The following MYO18B variants were observed in gnomAD, a reference collection of about 807,000 sequenced individuals.
MYO18B encodes unconventional myosin-XVIIIb.
Under a neutral mutation model 273.0 loss-of-function variants are expected in MYO18B, and 204 were observed. The ratio of observed to expected loss-of-function variants is 0.75; its 90% CI spans 0.67 to 0.84. The LOEUF (loss-of-function observed/expected upper bound fraction) is 0.84. Ranked by LOEUF, MYO18B falls within the 40% of genes least tolerant of loss-of-function variation. The pLI, the probability that MYO18B is intolerant of heterozygous loss-of-function variation, is 0.00. For synonymous variants in MYO18B, 1,330 were observed against 1,305.7 expected (o/e 1.02, Z -0.40); for missense variants, 3,212 against 3,287.6 (o/e 0.98, Z 0.56).
intron 21 of MYO18B, among the ~76,000 whole-genome samples, chr22:25,865,943 G>T (rs997872659): frequency 1.3e-5 from 2 of 151,896 alleles, no homozygotes; most frequent in Non-Finnish European, 2.9e-5. Context: ...AGCTCCCTTG[G>T]AACATGTTTG....
In MYO18B at chr22:25,908,260, C is replaced by A. The variant is rs1036227740; in HGVS notation, c.5149-62C>A. ...AATGCAATTGGAATGCCAAGGATGA[C>A]ATGGAGGGCTTGGAGAGTTAGAGTG... On this transcript the variant is annotated intron_variant, in intron 31 of 43. Transcript: ENST00000335473. 24 of 1,299,924 alleles carry A rather than the reference C, an allele frequency of 1.8e-5. 2 individuals carry two copies. In the Middle Eastern group the frequency reaches 9.1e-4, roughly 49 times the overall value. The allele number at this position is 1,299,924 out of a possible 1,614,324, so 80.5% of individuals were successfully genotyped here.
intron 39 of MYO18B, among the ~76,000 whole-genome samples, chr22:25,973,341 C>T (rs2093055543): frequency 6.6e-6 from 1 of 152,108 alleles, no homozygotes. Context: ...ATTTTTAGAA[C>T]ATAGAACAAT....
At chr22:25,753,204 C>A (rs11704185) in intron 1 of MYO18B, among the ~76,000 whole-genome samples, 47,627 of 151,954 alleles carry the variant, frequency 0.31, 7,831 homozygotes, top group South Asian at 0.42. Context: ...CACAAGGCGA[C>A]CCCAGCTGGC....
intron 22 of MYO18B, 136 bp from the exon 23 acceptor site, chr22:25,874,150 C>A: frequency 9.9e-7 from 1 of 1,011,762 alleles, no homozygotes; most frequent in Non-Finnish European, 1.5e-6. Context: ...GACTCCCCCA[C>A]CTCCCACTTA....
At chr22:25,857,811 G>T (rs976124468) in intron 21 of MYO18B, among the ~76,000 whole-genome samples, 1 of 152,176 alleles carries the variant, frequency 6.6e-6, no homozygotes, top group African/African-American at 2.4e-5. Flanking sequence ...GCGCCACCAC[G>T]CCAGGCTAAT....
chr22:25,956,571 C>G (rs1311199402), intron 39 of MYO18B, among the ~76,000 whole-genome samples: 1 of 152,180 alleles, frequency 6.6e-6, no homozygotes, highest in Non-Finnish European at 1.5e-5. Flanking sequence ...CTCCATCATT[C>G]AGTGTGTTGT....
chr22:26,059,692 A>G, the MYO18B span, among the ~76,000 whole-genome samples: 7 of 152,318 alleles, frequency 4.6e-5, no homozygotes, highest in East Asian at 1.4e-3. Flanking sequence ...TAACCCCAAG[A>G]ATGCATTGTA....
At chr22:25,792,487 T>C (rs1601708736) in intron 11 of MYO18B, among the ~76,000 whole-genome samples, 1 of 70,568 alleles carries the variant, frequency 1.4e-5, no homozygotes, top group African/African-American at 4.2e-5. Flanking sequence ...GTTTCTTTTT[T>C]TTTTCTTTTC....
chr22:26,030,889 A>G lies in MYO18B; in HGVS notation c.*459A>G, dbSNP rs1364833190. ...AAACTGAAACAAATGCTCCTCCTCCATGCTCCCTTAATCCCCATGCTTGTC... is the reference window on the plus strand; with the variant it reads ...AAACTGAAACAAATGCTCCTCCTCCGTGCTCCCTTAATCCCCATGCTTGTC... On this transcript the variant is annotated 3_prime_UTR_variant, in exon 44 of 44. Transcript: ENST00000335473. The G allele has an allele frequency of 2.0e-5, 8 of 398,286 alleles. No homozygotes were observed. The highest frequency in any genetic ancestry group is 1.3e-4 in the South Asian group (1 of 7,848). 24.7% of individuals were successfully genotyped at this position (398,286 alleles called of 1,614,324 possible).
At chr22:25,855,748 A>G (rs1322485539) in intron 21 of MYO18B, among the ~76,000 whole-genome samples, 1 of 151,944 alleles carries the variant, frequency 6.6e-6, no homozygotes, top group East Asian at 1.9e-4. Context: ...AAGGATTTCT[A>G]TTCCTTCAGC....
chr22:25,857,313 C>G (rs1230193461), intron 21 of MYO18B, among the ~76,000 whole-genome samples: 1 of 152,224 alleles, frequency 6.6e-6, no homozygotes, highest in African/African-American at 2.4e-5. Flanking sequence ...TGCCCTCCTC[C>G]CCGCAAAGTG....
At chr22:25,854,678 C>T (rs5752236) in intron 21 of MYO18B, among the ~76,000 whole-genome samples, 53,738 of 152,072 alleles carry the variant, frequency 0.35, 10,205 homozygotes, top group East Asian at 0.68. Flanking sequence ...GATTCCTCCT[C>T]CCCTCAGGCT....
In MYO18B at chr22:25,874,343, T is replaced by C; in HGVS notation, c.4009T>C (p.Ser1337Pro). 1 of 1,613,976 alleles carries C rather than the reference T, an allele frequency of 6.2e-7. No homozygotes were observed. The highest frequency in any genetic ancestry group is 8.5e-7 in the Non-Finnish European group (1 of 1,179,876). ...TGAGAAGCAGCGAGAGAAGCTGGTA[T>C]CTCAGAGCATCGTTCTCTTCCAGGC... ...RLEKQREKLV[S>P]QSIVLFQAAC... The change falls in exon 23 of 44, where the codon TCT (serine) becomes CCT (proline). Residue 1337 changes from serine (S) to proline (P), a missense_variant. Ser to Pro is a moderately conservative substitution (Grantham distance 74). Transcript: ENST00000335473.
chr22:26,048,761 C>G, the MYO18B span, among the ~76,000 whole-genome samples: 34 of 152,254 alleles, frequency 2.2e-4, 1 homozygote, highest in African/African-American at 8.2e-4. Flanking sequence ...CGTATGCATG[C>G]ATGCGTCTTT....
chr22:26,037,653 A>G, the MYO18B span, among the ~76,000 whole-genome samples: 1 of 152,176 alleles, frequency 6.6e-6, no homozygotes, highest in African/African-American at 2.4e-5. Flanking sequence ...TTCAATCTCA[A>G]GCGACCTACC....
intron 33 of MYO18B, among the ~76,000 whole-genome samples, chr22:25,914,438 T>C (rs2092222736): frequency 2.0e-5 from 3 of 152,086 alleles, no homozygotes; most frequent in Admixed American, 2.0e-4. Flanking sequence ...GATCTTGGAC[T>C]TTTTTGTTAG....
chr22:26,051,384 C>T, the MYO18B span, among the ~76,000 whole-genome samples: 4,579 of 151,998 alleles, frequency 0.03, 232 homozygotes, highest in African/African-American at 0.1. Context: ...CCACCGCGCC[C>T]GGCTAATTTT....
At chr22:25,924,119 C>A (rs138198503) in intron 34 of MYO18B, among the ~76,000 whole-genome samples, 1 of 152,198 alleles carries the variant, frequency 6.6e-6, no homozygotes, top group Non-Finnish European at 1.5e-5. Flanking sequence ...GGTCAGGGTA[C>A]AGTTGCTTTG....
At chr22:25,948,622 C>A (rs1243698422) in intron 36 of MYO18B, among the ~76,000 whole-genome samples, 1 of 148,906 alleles carries the variant, frequency 6.7e-6, no homozygotes, top group Admixed American at 6.8e-5. Flanking sequence ...GCTATTTATT[C>A]AATATTTACT....
Sources: allele counts gnomAD v4.1 joint callset (sites outside exome capture counted in the v4.1 genomes callset), GRCh38; gene constraint gnomAD v4.1.1; transcripts MANE v1.5; gene names NCBI Gene and HGNC (gene_info 2026-07-23, HGNC 2026-07-21).